SYNE3: variants seen among roughly 807,000 people sequenced by gnomAD.
SYNE3 encodes spectrin repeat containing nuclear envelope family member 3, also known as nesprin-3.
In SYNE3, 100 loss-of-function variants were observed where a neutral mutation model predicts 111.2. The ratio of observed to expected loss-of-function variants is 0.90; its 90% CI spans 0.77 to 1.06. The LOEUF is 1.06. SYNE3 is among the 50% of genes least tolerant of loss of function. The probability of loss-of-function intolerance (pLI) is 0.00; values close to 1 mark genes in which losing one functional copy is unlikely to be tolerated. For missense variants in SYNE3, 1,160 were observed against 1,240.3 expected (o/e 0.94, Z 0.97); for synonymous variants, 547 against 533.9 (o/e 1.02, Z -0.34).
At chr14:95,444,686 T>C (rs1886609468) in intron 9 of SYNE3, 58 bp from the exon 10 acceptor site, 4 of 1,504,824 alleles carry the variant, frequency 2.7e-6, no homozygotes, top group Non-Finnish European at 3.6e-6. Context: ...CACCGTGTTG[T>C]GAGACCCGAC....
Position 95,449,931 on chromosome 14 carries a change from C to G in SYNE3, c.1449G>C (p.Glu483Asp). 6.4e-7 allele frequency: 1 copy of G among 1,552,722 alleles called. No homozygotes were observed. Reference sequence around the variant, plus strand: ...ACCCAGTTGGCAGGACCACGGTTACCTCGATCTGGGGCAGGAAGGTGTGAA... The same window carrying G: ...ACCCAGTTGGCAGGACCACGGTTACGTCGATCTGGGGCAGGAAGGTGTGAA... ...PSLHTFLPQI[E>D]AALMESSRLK... is the part of the protein sequence containing the mutation. Residue 483 changes from glutamate to aspartate, a missense_variant and splice_region_variant, in exon 8 of 18, where the codon GAG becomes GAC. Coordinates refer to ENST00000682763, the MANE Select transcript of SYNE3 (RefSeq NM_152592.6).
At chr14:95,432,154 A>G (rs1885809152) in intron 16 of SYNE3, 37 bp from the exon 17 acceptor site, 1 of 1,597,608 alleles carries the variant, frequency 6.3e-7, no homozygotes, top group Non-Finnish European at 8.5e-7. Flanking sequence ...AGGGGGGAAA[A>G]AAATAAGTTA....
At chr14:95,449,108 A>T (rs150061643) in intron 8 of SYNE3, among the ~76,000 whole-genome samples, 9 of 152,304 alleles carry the variant, frequency 5.9e-5, no homozygotes, top group Admixed American at 5.2e-4. Context: ...GTACAGGCAC[A>T]CTGGGGACAC....
chr14:95,504,582 T>C (rs1410183502), intron 1 of SYNE3, among the ~76,000 whole-genome samples: 1 of 152,338 alleles, frequency 6.6e-6, no homozygotes, highest in African/African-American at 2.4e-5. Context: ...TCACAGTTGT[T>C]CTGCTGAAAC....
At position 95,408,728 on chromosome 14, in the gene SYNE3, A is replaced by C; in HGVS notation, c.*9098T>G. On this transcript the variant is annotated 3_prime_UTR_variant, in exon 18 of 18. Transcript: ENST00000682763. ...ACCCTGCCCACCCCTTCACATGCAC[A>C]CACAGCTTCCTCTGTCCGCTTCCTC... The C allele has an allele frequency of 6.1e-6, 1 of 164,062 alleles. No individual in the cohort carries two copies. The highest frequency in any genetic ancestry group is 1.4e-4 in the South Asian group (1 of 7,160). The allele number at this position is 164,062 out of a possible 1,614,324, so 10.2% of individuals were successfully genotyped here. A position where few individuals can be genotyped will look rare whatever the true frequency, so the allele number is the denominator to read the frequency against.
intron 17 of SYNE3, among the ~76,000 whole-genome samples, chr14:95,426,900 C>T (rs1249355170): frequency 1.5e-5 from 2 of 134,482 alleles, no homozygotes; most frequent in African/African-American, 5.6e-5. Context: ...TCCAAGATCG[C>T]ACCACTGCAC....
In SYNE3 at chr14:95,413,140, C is replaced by G. The variant is rs1277761169; in HGVS notation, c.*4686G>C. On this transcript the variant is annotated 3_prime_UTR_variant, in exon 18 of 18. Coordinates refer to ENST00000682763, the MANE Select transcript of SYNE3 (RefSeq NM_152592.6). Reference sequence around the variant, plus strand: ...AGGCACAGCCTGCCATTCCCATTCTCTTTTTCTCTCTCTCTATCCCTCCCT... The same window carrying G: ...AGGCACAGCCTGCCATTCCCATTCTGTTTTTCTCTCTCTCTATCCCTCCCT... 2.0e-5 allele frequency: 3 copies of G among 151,918 alleles called. No individual in the cohort carries two copies. Among genetic ancestry groups the G allele is most frequent in the Non-Finnish European group, 4.4e-5 (3 of 68,016 alleles). 9.4% of individuals were successfully genotyped at this position (151,918 alleles called of 1,614,324 possible). A position where few individuals can be genotyped will look rare whatever the true frequency, so the allele number is the denominator to read the frequency against.
chr14:95,456,787 A>G (rs1887468263), intron 5 of SYNE3, among the ~76,000 whole-genome samples: 1 of 152,198 alleles, frequency 6.6e-6, no homozygotes, highest in Admixed American at 6.5e-5. Flanking sequence ...GTCCTATTAA[A>G]GAAACTATGA....
chr14:95,429,975 G>C, intron 17 of SYNE3: 1 of 230,024 alleles, frequency 4.3e-6, no homozygotes, highest in Non-Finnish European at 6.0e-6. Context: ...ACTAAGGAAG[G>C]AAGGAAGGAA....
chr14:95,479,523 G>A (rs1889101314), intron 1 of SYNE3, among the ~76,000 whole-genome samples: 1 of 152,108 alleles, frequency 6.6e-6, no homozygotes, highest in African/African-American at 2.4e-5. Flanking sequence ...CTCAAGGTTG[G>A]GGGAGCATAG....
chr14:95,480,394 AT>A (rs140796399), intron 1 of SYNE3, among the ~76,000 whole-genome samples: 7 of 151,766 alleles, frequency 4.6e-5, no homozygotes, highest in South Asian at 2.1e-4. Flanking sequence ...AAGAGAAGTG[AT>A]TTTTTTTTCA....
intron 8 of SYNE3, among the ~76,000 whole-genome samples, chr14:95,449,297 A>T (rs1454564835): frequency 6.6e-6 from 1 of 152,198 alleles, no homozygotes; most frequent in African/African-American, 2.4e-5. Context: ...TTGGGCCAGG[A>T]ATAATCAATC....
intron 17 of SYNE3, among the ~76,000 whole-genome samples, chr14:95,431,868 C>A (rs544994306): frequency 1.3e-5 from 2 of 152,216 alleles, no homozygotes; most frequent in Non-Finnish European, 2.9e-5. Flanking sequence ...CTCTGCACAC[C>A]CTGCCAGCCT....
rs756670687 is a variant in SYNE3 at position 95,455,412 on chromosome 14, CG to C, written c.1101del (p.Glu368ArgfsTer32). ...EGLQPAAKAG[T>X]EDELVAHWRR... ...CTCCAGTGTGCCACCAGCTCGTCCTCGGTCCCCGCTTTCGCCGCAGGCTGCA... is the reference window on the plus strand; with the variant it reads ...CTCCAGTGTGCCACCAGCTCGTCCTCGTCCCCGCTTTCGCCGCAGGCTGCA... On this transcript the variant is annotated frameshift_variant, in exon 6 of 18. Coordinates refer to ENST00000682763, the MANE Select transcript of SYNE3 (RefSeq NM_152592.6). LOFTEE classifies it high-confidence loss of function. 4 of 1,563,564 alleles carry C rather than the reference CG, an allele frequency of 2.6e-6. No individual in the cohort carries two copies. The highest frequency in any genetic ancestry group is 2.6e-6 in the Non-Finnish European group (3 of 1,156,078).
chr14:95,457,412 C>T, intron 4 of SYNE3, 74 bp from the exon 5 acceptor site: 2 of 1,549,480 alleles, frequency 1.3e-6, no homozygotes, highest in South Asian at 2.4e-5. Flanking sequence ...AGCCCGTAGC[C>T]TGCCTGGGTG....
intron 8 of SYNE3, among the ~76,000 whole-genome samples, chr14:95,446,369 C>T (rs1595199606): frequency 6.7e-6 from 1 of 148,262 alleles, no homozygotes; most frequent in East Asian, 2.0e-4. Flanking sequence ...CCTCAAAAGT[C>T]TGTCTCCTCT....
chr14:95,483,633 AGGAGG>A (rs1033563506), intron 1 of SYNE3, among the ~76,000 whole-genome samples: 1 of 152,142 alleles, frequency 6.6e-6, no homozygotes, highest in Non-Finnish European at 1.5e-5. Context: ...AGTGTGTGAA[AGGAGG>A]GATAGGAACT....
intron 14 of SYNE3, 152 bp downstream of exon 14, chr14:95,438,881 G>T: frequency 9.1e-7 from 1 of 1,095,198 alleles, no homozygotes; most frequent in Non-Finnish European, 1.3e-6. Context: ...TTTGGCCACA[G>T]CTGGGGCAGG....
intron 1 of SYNE3, among the ~76,000 whole-genome samples, chr14:95,489,604 T>G (rs557318195): frequency 6.6e-6 from 1 of 152,360 alleles, no homozygotes; most frequent in Admixed American, 6.5e-5. Context: ...TAGTAGGTAC[T>G]CAGAAAGTGT....
Sources: allele counts gnomAD v4.1 joint callset (sites outside exome capture counted in the v4.1 genomes callset), GRCh38; gene constraint gnomAD v4.1.1; transcripts MANE v1.5; gene names NCBI Gene and HGNC (gene_info 2026-07-23, HGNC 2026-07-21).